FSTL5: variants seen among roughly 807,000 people sequenced by gnomAD.
FSTL5 encodes the protein follistatin-related protein 5.
FSTL5 carries 62 observed loss-of-function variants against 89.1 expected under a neutral mutation model. That is an observed-to-expected ratio of 0.70 (90% CI 0.57 to 0.86). FSTL5 has a LOEUF of 0.86. FSTL5 is among the 40% of genes least tolerant of loss of function. The pLI, the probability that FSTL5 is intolerant of heterozygous loss-of-function variation, is 0.00. For missense variants in FSTL5, 1,057 were observed against 1,001.6 expected (o/e 1.06, Z -0.75); for synonymous variants, 383 against 346.2 (o/e 1.11, Z -1.18).
chr4:161,966,742 C>CT (rs1735338210), intron 3 of FSTL5, among the ~76,000 whole-genome samples: 1 of 152,050 alleles, frequency 6.6e-6, no homozygotes. Flanking sequence ...CCATCTTGGA[C>CT]TTCAAACATC....
intron 15 of FSTL5, among the ~76,000 whole-genome samples, chr4:161,409,088 C>G (rs537066983): frequency 1.3e-5 from 2 of 152,200 alleles, no homozygotes; most frequent in South Asian, 4.1e-4. Context: ...TACAAGATGA[C>G]TATTTCCAAG....
chr4:161,811,681 C>T (rs1730152275), intron 4 of FSTL5, among the ~76,000 whole-genome samples: 1 of 152,020 alleles, frequency 6.6e-6, no homozygotes, highest in African/African-American at 2.4e-5. Flanking sequence ...TTAATCTTGG[C>T]TAAATCGATC....
intron 2 of FSTL5, among the ~76,000 whole-genome samples, chr4:162,039,630 A>G (rs112401641): frequency 1.3e-5 from 2 of 152,134 alleles, no homozygotes; most frequent in African/African-American, 4.8e-5. Context: ...TAATATGTAC[A>G]ATAAAGCACA....
intron 6 of FSTL5, among the ~76,000 whole-genome samples, chr4:161,689,347 C>T (rs967628597): frequency 2.0e-5 from 3 of 151,920 alleles, no homozygotes; most frequent in African/African-American, 7.3e-5. Context: ...GGACAGTAGG[C>T]AATAGTCACA....
intron 3 of FSTL5, among the ~76,000 whole-genome samples, chr4:161,932,374 C>T (rs576427038): frequency 2.0e-5 from 3 of 151,768 alleles, no homozygotes; most frequent in African/African-American, 7.2e-5. Context: ...TACTGTTTAT[C>T]GTCTTTTTAT....
At chr4:161,636,037 G>A (rs538195599) in intron 7 of FSTL5, among the ~76,000 whole-genome samples, 9 of 150,800 alleles carry the variant, frequency 6.0e-5, no homozygotes, top group South Asian at 4.2e-4. Flanking sequence ...ACGTAGTTAC[G>A]GAGAAAAGAT....
At chr4:161,467,044 C>A (rs554100154) in intron 13 of FSTL5, among the ~76,000 whole-genome samples, 39 of 151,878 alleles carry the variant, frequency 2.6e-4, no homozygotes, top group Non-Finnish European at 5.0e-4. Flanking sequence ...ATGAGGACAG[C>A]ATGAAATACT....
chr4:161,837,439 G>C (rs945484377), intron 4 of FSTL5, among the ~76,000 whole-genome samples: 5 of 151,970 alleles, frequency 3.3e-5, no homozygotes, highest in Admixed American at 1.3e-4. Flanking sequence ...TATTATATTT[G>C]GTAAATAAAT....
In FSTL5 at chr4:162,098,272, T is replaced by C. The variant is rs570499809; in HGVS notation, c.126+12999A>G. Reference sequence around the variant, plus strand: ...CAAAATCTTAAAACAGATAAAACTATATCATGGTTAAAAAAAATCAGAACA... The same window carrying C: ...CAAAATCTTAAAACAGATAAAACTACATCATGGTTAAAAAAAATCAGAACA... On this transcript the variant is annotated intron_variant, in intron 2 of 15. Coordinates refer to ENST00000306100, the MANE Select transcript of FSTL5 (RefSeq NM_020116.5). Among the ~76,000 whole-genome samples the C allele has an allele frequency of 1.1e-3, 173 of 151,982 alleles. 2 individuals carry two copies. The highest frequency in any genetic ancestry group is 4.0e-3 in the African/African-American group (164 of 41,518).
rs564195592 is a variant in FSTL5, at chr4:161,695,459, A to G, written c.728-38965T>C. On this transcript the variant is annotated intron_variant, in intron 6 of 15. Coordinates refer to ENST00000306100, the MANE Select transcript of FSTL5 (RefSeq NM_020116.5). ...TGTGTGTGTGTGTGTGTGTGTATAT[A>G]TATCACATATAGACATATATCATAT... 2.1e-3 allele frequency among the ~76,000 whole-genome samples: 99 copies of G among 46,796 alleles called. 1 individual carries two copies. The highest frequency in any genetic ancestry group is 4.6e-3 in the Non-Finnish European group (69 of 14,980). The allele number at this position is 46,796 out of a possible 152,430, so 30.7% of individuals were successfully genotyped here.
Position 161,538,274 on chromosome 4 carries a change from T to C in FSTL5, c.1204A>G (p.Asn402Asp). ...GCTCCAGTATCTTCATAGCGCACAT[T>C]GCTTATGTGAACCTCACTGCCATTT... The part of the protein sequence containing the change: ...QANGSEVHIS[N>D]VRYEDTGAYT... Residue 402 changes from asparagine (N) to aspartate (D), a missense_variant, in exon 10 of 16, where the codon AAT (asparagine) becomes GAT (aspartate). Transcript: ENST00000306100. The C allele has an allele frequency of 6.2e-7, 1 of 1,614,018 alleles. No individual in the cohort carries two copies. The highest frequency in any genetic ancestry group is 8.5e-7 in the Non-Finnish European group (1 of 1,179,900).
intron 3 of FSTL5, among the ~76,000 whole-genome samples, chr4:162,019,754 T>TTC (rs1317302416): frequency 7.0e-6 from 1 of 142,288 alleles, no homozygotes; most frequent in Non-Finnish European, 1.6e-5. Flanking sequence ...CTCTCTCTCT[T>TTC]TCTCTCTCTC....
At chr4:161,393,820 T>C (rs527698902) in intron 15 of FSTL5, among the ~76,000 whole-genome samples, 2 of 152,282 alleles carry the variant, frequency 1.3e-5, no homozygotes, top group Non-Finnish European at 2.9e-5. Context: ...ACTGCTCTCC[T>C]ATAAATGAGC....
chr4:161,892,123 C>T (rs990947636), intron 4 of FSTL5, among the ~76,000 whole-genome samples: 4 of 151,848 alleles, frequency 2.6e-5, no homozygotes, highest in Middle Eastern at 3.2e-3. Flanking sequence ...ATCTTATAAT[C>T]CAGTATTCTC....
intron 8 of FSTL5, among the ~76,000 whole-genome samples, chr4:161,564,395 A>T (rs1732726699): frequency 1.3e-5 from 2 of 151,034 alleles, no homozygotes; most frequent in South Asian, 4.1e-4. Flanking sequence ...TTAAGGAGAA[A>T]CTGCAGTTTT....
chr4:161,828,622 T>A (rs1163565591), intron 4 of FSTL5, among the ~76,000 whole-genome samples: 1 of 152,194 alleles, frequency 6.6e-6, no homozygotes, highest in African/African-American at 2.4e-5. Flanking sequence ...ATCTGAAAAT[T>A]TTAGAATCTG....
intron 4 of FSTL5, among the ~76,000 whole-genome samples, chr4:161,906,639 G>A (rs1733537678): frequency 6.6e-6 from 1 of 152,000 alleles, no homozygotes; most frequent in African/African-American, 2.4e-5. Flanking sequence ...AAGTGAGGGA[G>A]GGATTTGCCT....
intron 6 of FSTL5, among the ~76,000 whole-genome samples, chr4:161,757,260 C>A (rs1048283601): frequency 6.6e-6 from 1 of 152,042 alleles, no homozygotes; most frequent in Non-Finnish European, 1.5e-5. Flanking sequence ...TCCCTGATTT[C>A]CAAAACTAAA....
chr4:161,918,414 C>T (rs1191614734), intron 4 of FSTL5, among the ~76,000 whole-genome samples: 1 of 152,080 alleles, frequency 6.6e-6, no homozygotes, highest in Non-Finnish European at 1.5e-5. Context: ...TTTAACACTA[C>T]ACATGATGAG....
Sources: allele counts gnomAD v4.1 joint callset (sites outside exome capture counted in the v4.1 genomes callset), GRCh38; gene constraint gnomAD v4.1.1; transcripts MANE v1.5; gene names NCBI Gene and HGNC (gene_info 2026-07-23, HGNC 2026-07-21).